The following COMMD5 variants were observed in gnomAD, a reference collection of about 807,000 sequenced individuals.
COMMD5 encodes COMM domain-containing protein 5.
COMMD5 carries 10 observed loss-of-function variants against 6.9 expected under a neutral mutation model. The observed-to-expected ratio is 1.44, with a 90% CI of 0.89 to 2.45. COMMD5 has a LOEUF of 2.45. Ranked by LOEUF, COMMD5 falls within the 30% of genes most tolerant of loss-of-function variation. The probability of loss-of-function intolerance (pLI) is 0.00; values close to 1 mark genes in which losing one functional copy is unlikely to be tolerated. For missense variants in COMMD5, 234 were observed against 287.8 expected, an observed-to-expected ratio of 0.81 and a Z score of 1.35; for synonymous variants, 127 against 125.3, an observed-to-expected ratio of 1.01 and a Z score of -0.09.
chr8:144,843,022 T>C (rs562365113), intron 1 of COMMD5: 1 of 1,614,170 alleles, frequency 6.2e-7, no homozygotes. Context: ...GTGTGAAGAC[T>C]GTGAGAAGAT....
chr8:144,844,709 C>CAAAAAAAAAAAAA (rs71320849), intron 1 of COMMD5, among the ~76,000 whole-genome samples: 3 of 88,646 alleles, frequency 3.4e-5, no homozygotes, highest in African/African-American at 1.3e-4. Context: ...GACTCTGTAT[C>CAAAAAAAAAAAAA]AAAAAAAAAA....
intron 1 of COMMD5, among the ~76,000 whole-genome samples, chr8:144,844,388 G>T (rs115520454): frequency 1.7e-4 from 26 of 152,254 alleles, no homozygotes; most frequent in African/African-American, 5.5e-4. Context: ...GGGGAACGCG[G>T]TGAGGAGGAA....
intron 1 of COMMD5, chr8:144,842,025 C>T (rs927110422): frequency 1.4e-5 from 22 of 1,613,788 alleles, no homozygotes; most frequent in African/African-American, 2.7e-5. Context: ...AGAAGCCCTA[C>T]AGATGTGAGG....
rs375066067 is a variant in COMMD5, at chr8:144,850,898, G to C, written c.441C>G (p.Ala147=). The C allele has an allele frequency of 1.9e-6, 3 of 1,610,286 alleles. No homozygotes were observed. Among genetic ancestry groups the C allele is most frequent in the Non-Finnish European group, 2.5e-6 (3 of 1,178,808 alleles). The part of the protein sequence containing the change: ...LLDSVAQQQG[A]WLPHVADFRW... ...GAAAGTCAGCAACATGCGGCAGCCA[G>C]GCCCCCTGCTGCTGGGCCACAGAAT... The change falls in exon 2 of 2, where the codon GCC becomes GCG. Residue 147 remains alanine, a synonymous_variant. Coordinates refer to ENST00000305103, the MANE Select transcript of COMMD5 (RefSeq NM_014066.4). The surrounding 1 kb of genome is among the most constrained non-coding windows in gnomAD (Gnocchi z 4.0).
At chr8:144,846,200 C>T, downstream of COMMD5, 1 of 1,533,602 alleles carries the variant, frequency 6.5e-7, no homozygotes, top group Admixed American at 2.0e-5. Flanking sequence ...TCTGTGCTAA[C>T]CATAATGCTG....
At chr8:144,840,168 G>C (rs771555664), downstream of COMMD5, among the ~76,000 whole-genome samples, 2 of 152,244 alleles carry the variant, frequency 1.3e-5, no homozygotes, top group Non-Finnish European at 2.9e-5. Context: ...TGTTGAAAGA[G>C]CAGGCATGCT....
downstream of COMMD5, among the ~76,000 whole-genome samples, chr8:144,839,833 G>GC (rs1469744117): frequency 2.0e-5 from 3 of 152,220 alleles, no homozygotes; most frequent in Admixed American, 1.3e-4. Flanking sequence ...TCCCAGCTGT[G>GC]CACCCCCACG....
At chr8:144,852,557 G>A (rs13252601) in intron 1 of COMMD5, 40,794 of 152,264 alleles carry the variant, frequency 0.27, 6,771 homozygotes, top group South Asian at 0.45. Flanking sequence ...CGGGCTTCAC[G>A]GCGCCCCATT....
At chr8:144,845,932 C>G (rs993326504), downstream of COMMD5, 1 of 1,523,888 alleles carries the variant, frequency 6.6e-7, no homozygotes, top group South Asian at 1.2e-5. Flanking sequence ...CAGGTGGTCA[C>G]CTTCAGGTCT....
chr8:144,850,025 T>C (rs1414204517), downstream of COMMD5: 1 of 152,184 alleles, frequency 6.6e-6, no homozygotes, highest in Non-Finnish European at 1.5e-5. The surrounding 1 kb of genome is among the most constrained non-coding windows in gnomAD (Gnocchi z 4.0). Flanking sequence ...CTGAGCCCCG[T>C]CCTCCCCACC....
downstream of COMMD5, among the ~76,000 whole-genome samples, chr8:144,840,252 T>A (rs542711019): frequency 2.0e-5 from 3 of 152,330 alleles, no homozygotes; most frequent in East Asian, 5.8e-4. Flanking sequence ...CTCACAGGCC[T>A]TGAGCATCCC....
chr8:144,843,075 C>T (rs143638999), intron 1 of COMMD5: 86 of 1,613,836 alleles, frequency 5.3e-5, no homozygotes, highest in Non-Finnish European at 7.2e-5. Flanking sequence ...AGAGAATTCA[C>T]ACCGGGGAGA....
intron 1 of COMMD5, chr8:144,842,560 A>G (rs1198921939): frequency 1.2e-6 from 2 of 1,614,188 alleles, no homozygotes; most frequent in Non-Finnish European, 1.7e-6. Flanking sequence ...CTCACACCTT[A>G]TTCAGCATCA....
downstream of COMMD5, chr8:144,846,779 AG>A (rs1830532812): frequency 6.6e-6 from 1 of 152,168 alleles, no homozygotes; most frequent in Non-Finnish European, 1.5e-5. Context: ...GCTCACTGCA[AG>A]CTCCGCCACC....
chr8:144,846,152 G>A (rs1830501730), downstream of COMMD5: 1 of 1,536,060 alleles, frequency 6.5e-7, no homozygotes, highest in Admixed American at 2.0e-5. Flanking sequence ...CAGAAGGAGG[G>A]GAACGTCAGC....
intron 1 of COMMD5, chr8:144,843,454 G>GGT: frequency 4.0e-6 from 1 of 249,594 alleles, no homozygotes; most frequent in South Asian, 9.1e-5. Context: ...TGGGCGTGGT[G>GGT]GCAGGCACCT....
chr8:144,846,210 G>A, downstream of COMMD5: 1 of 1,525,790 alleles, frequency 6.6e-7, no homozygotes, highest in Non-Finnish European at 8.8e-7. Context: ...CCATAATGCT[G>A]TGTTCTTTTC....
At position 144,850,786 on chromosome 8, in the gene COMMD5, C is replaced by T. The variant is rs762240188; in HGVS notation, c.553G>A (p.Gly185Arg). The part of the protein sequence containing the change: ...SVLMQLKLSD[G>R]SAYRFEVPTA... ...GGGACCTCAAAGCGGTATGCTGACCCATCTGAAAGCTTCAGCTGCATCAGG... is the reference window on the plus strand; with the variant it reads ...GGGACCTCAAAGCGGTATGCTGACCTATCTGAAAGCTTCAGCTGCATCAGG... The change falls in exon 2 of 2, where the codon GGG (glycine) becomes AGG (arginine). Residue 185 changes from glycine to arginine, a missense_variant. Transcript: ENST00000305103. This position sits in a 1 kb window ranked among gnomAD's most constrained non-coding sequence, Gnocchi z 4.0. The T allele has an allele frequency of 3.0e-5, 49 of 1,614,172 alleles. No individual in the cohort carries two copies. The highest frequency in any genetic ancestry group is 6.7e-5 in the Admixed American group (4 of 60,038).
In COMMD5 at chr8:144,843,007, C is replaced by T. The variant is rs79367774; in HGVS notation, c.*117-1264G>A. 3.1e-6 allele frequency: 5 copies of T among 1,614,174 alleles called. No individual in the cohort carries two copies. In the South Asian group the frequency reaches 5.5e-5, roughly 18 times the overall value. On this transcript the variant is annotated intron_variant and NMD_transcript_variant, in intron 1 of 1. Transcript: ENST00000530332. ...AAAGGTTAATACTATAAAGAAACTG[C>T]ATCAGTGTGAAGACTGTGAGAAGAT...
Sources: allele counts gnomAD v4.1 joint callset (sites outside exome capture counted in the v4.1 genomes callset), GRCh38; gene constraint gnomAD v4.1.1; non-coding constraint Gnocchi (gnomAD v3.1); transcripts MANE v1.5; gene names NCBI Gene and HGNC (gene_info 2026-07-23, HGNC 2026-07-21).